Variants in PCDHGA3 observed in about 807,000 individuals in gnomAD.
PCDHGA3 encodes the protein protocadherin gamma-A3.
Under a neutral mutation model 58.5 loss-of-function variants are expected in PCDHGA3, and 40 were observed. The observed-to-expected ratio is 0.68, with a 90% confidence interval of 0.53 to 0.89. The LOEUF is 0.89. PCDHGA3 is among the 40% of genes least tolerant of loss of function. PCDHGA3 has a pLI of 0.00. For synonymous variants in PCDHGA3, 530 were observed against 525.7 expected (o/e 1.01, Z -0.11); for missense variants, 1,223 against 1,195.9 (o/e 1.02, Z -0.33).
rs2099641960 is a variant in PCDHGA3 at position 141,487,259 on chromosome 5, T to C, written c.2425-7548T>C. On this transcript the variant is annotated intron_variant, in intron 1 of 3. Coordinates refer to ENST00000253812, the MANE Select transcript of PCDHGA3 (RefSeq NM_018916.4). This position sits in a 1 kb window ranked among gnomAD's most constrained non-coding sequence, Gnocchi z 5.0. ...TCGTCTAACCCTCTACTTGGCTGTG[T>C]CCCTAGTGGCAATTTGCTTTGTCTC... 6.2e-7 allele frequency: 1 copy of C among 1,614,132 alleles called. No homozygotes were observed. Among genetic ancestry groups the C allele is most frequent in the Non-Finnish European group, 8.5e-7 (1 of 1,180,012 alleles).
chr5:141,376,307 G>A, intron 1 of PCDHGA3: 1 of 1,614,192 alleles, frequency 6.2e-7, no homozygotes, highest in East Asian at 2.2e-5. Context: ...GCACTTTGTG[G>A]GCGTGGAAGG....
chr5:141,427,817 G>A, intron 1 of PCDHGA3: 2 of 1,528,134 alleles, frequency 1.3e-6, no homozygotes, highest in Non-Finnish European at 1.8e-6. Flanking sequence ...AGAGCGGGGT[G>A]GTGGTCGCGC....
At chr5:141,346,517 G>C in intron 1 of PCDHGA3, 60 bp downstream of exon 1, 5 of 1,598,398 alleles carry the variant, frequency 3.1e-6, no homozygotes, top group Non-Finnish European at 4.3e-6. Flanking sequence ...TTATTATAAA[G>C]CTTTAACACA....
chr5:141,504,645 T>C (rs1481469819), intron 2 of PCDHGA3, among the ~76,000 whole-genome samples: 2 of 112,538 alleles, frequency 1.8e-5, no homozygotes, highest in Non-Finnish European at 3.4e-5. Context: ...GGTTTGATGA[T>C]AGAGTGTTTG....
rs532725430 is a variant in PCDHGA3, at chr5:141,429,107, G to A, written c.2425-65700G>A. On this transcript the variant is annotated intron_variant, in intron 1 of 3. Transcript: ENST00000253812. ...CTGACCTCGTGATCTGCCCGCCTCG[G>A]CCTCCCAAAGTGCTGGGATTATAGG... The A allele has an allele frequency of 3.8e-3, 579 of 152,026 alleles. 5 individuals are homozygous for A. Among genetic ancestry groups the A allele is most frequent in the Admixed American group, 0.011 (166 of 15,232 alleles). The allele number at this position is 152,026 out of a possible 1,614,324, so 9.4% of individuals were successfully genotyped here. A position where few individuals can be genotyped will look rare whatever the true frequency, so the allele number is the denominator to read the frequency against.
rs924491576 is a variant in PCDHGA3, at chr5:141,491,579, C to T, written c.2425-3228C>T. On this transcript the variant is annotated intron_variant, in intron 1 of 3. Coordinates refer to ENST00000253812, the MANE Select transcript of PCDHGA3 (RefSeq NM_018916.4). This position sits in a 1 kb window ranked among gnomAD's most constrained non-coding sequence, Gnocchi z 6.9. ...CACTGCTACAGGACGTGCTTTTCAC[C>T]GGCCTCGGACGGCAGTGACTTCACT... is the stretch of plus-strand genomic sequence containing the variant. 18 of 1,613,810 alleles carry T rather than the reference C, an allele frequency of 1.1e-5. No homozygotes were observed. Among genetic ancestry groups the T allele is most frequent in the Non-Finnish European group, 1.4e-5 (17 of 1,180,044 alleles).
chr5:141,488,548 T>C (rs112676623), intron 1 of PCDHGA3, among the ~76,000 whole-genome samples: 2 of 152,318 alleles, frequency 1.3e-5, no homozygotes, highest in African/African-American at 4.8e-5. Flanking sequence ...CCATGTCAGC[T>C]GACATTGAGA....
At chr5:141,391,149 G>C (rs1487749660) in intron 1 of PCDHGA3, 1 of 152,032 alleles carries the variant, frequency 6.6e-6, no homozygotes, top group Non-Finnish European at 1.5e-5. Context: ...CTCTAGGAAA[G>C]AAATATAGTC....
At chr5:141,408,566 G>A (rs779048929) in intron 1 of PCDHGA3, 2 of 1,613,912 alleles carry the variant, frequency 1.2e-6, no homozygotes, top group East Asian at 4.5e-5. Flanking sequence ...TGTCATTGTG[G>A]TGATTGAGGA....
chr5:141,348,872 G>A (rs1378126048), intron 1 of PCDHGA3, among the ~76,000 whole-genome samples: 1 of 152,130 alleles, frequency 6.6e-6, no homozygotes, highest in Admixed American at 6.6e-5. Flanking sequence ...ATAAATTGTT[G>A]AGTTGGATCT....
Position 141,431,479 on chromosome 5 carries a change from A to T in PCDHGA3, c.2425-63328A>T. 1 of 1,613,892 alleles carries T rather than the reference A, an allele frequency of 6.2e-7. No individual in the cohort carries two copies. Among genetic ancestry groups the T allele is most frequent in the South Asian group, 1.1e-5 (1 of 91,092 alleles). On this transcript the variant is annotated intron_variant, in intron 1 of 3. Transcript: ENST00000253812. This position sits in a 1 kb window ranked among gnomAD's most constrained non-coding sequence, Gnocchi z 4.8. ...TTCTGGATGCGAACGACAACGCACC[A>T]GCGTTTGCTCAGCCCGAGTACCGCG...
At position 141,356,324 on chromosome 5, in the gene PCDHGA3, A is replaced by C. The variant is rs1206704066; in HGVS notation, c.2424+9867A>C. 3.2e-6 allele frequency: 5 copies of C among 1,554,266 alleles called. No individual in the cohort carries two copies. The East Asian group carries it at 1.2e-4, about 38-fold the overall frequency. ...GCACTTTTCAACGTGCATGACAGTG[A>C]CTCAGGAGGAAATGGCCTAGTCACA... On this transcript the variant is annotated intron_variant, in intron 1 of 3. Coordinates refer to ENST00000253812, the MANE Select transcript of PCDHGA3 (RefSeq NM_018916.4).
intron 1 of PCDHGA3, chr5:141,394,255 G>A (rs1321065161): frequency 6.2e-7 from 1 of 1,613,934 alleles, no homozygotes; most frequent in South Asian, 1.1e-5. Flanking sequence ...GACCCCGACA[G>A]CCAGGAGAAT....
intron 1 of PCDHGA3, chr5:141,418,804 T>C (rs368948947): frequency 3.3e-5 from 54 of 1,613,718 alleles, no homozygotes; most frequent in African/African-American, 5.3e-5. Flanking sequence ...TAGAAAGATA[T>C]ACGATAAACA....
intron 1 of PCDHGA3, among the ~76,000 whole-genome samples, chr5:141,481,250 C>A (rs1160186962): frequency 2.6e-5 from 4 of 152,144 alleles, no homozygotes; most frequent in Non-Finnish European, 5.9e-5. Context: ...TAGCATAGCT[C>A]TAAAAGATCA....
At chr5:141,474,215 A>G (rs1393533136) in intron 1 of PCDHGA3, among the ~76,000 whole-genome samples, 1 of 152,216 alleles carries the variant, frequency 6.6e-6, no homozygotes, top group East Asian at 1.9e-4. Context: ...CAAAAACCAG[A>G]TTGTGAATTA....
At chr5:141,466,180 A>T (rs566514149) in intron 1 of PCDHGA3, among the ~76,000 whole-genome samples, 100 of 151,254 alleles carry the variant, frequency 6.6e-4, no homozygotes, top group African/African-American at 2.1e-3. Context: ...TTTTATTTTT[A>T]TTTTTTTTCA....
chr5:141,372,310 G>A (rs1768642217), intron 1 of PCDHGA3: 4 of 1,613,452 alleles, frequency 2.5e-6, no homozygotes, highest in Non-Finnish European at 2.5e-6. Context: ...GAGGCCGCCC[G>A]CCAGCGCCTG....
chr5:141,429,105 C>A (rs936114624), intron 1 of PCDHGA3: 2 of 152,318 alleles, frequency 1.3e-5, no homozygotes, highest in African/African-American at 4.8e-5. Flanking sequence ...CTGCCCGCCT[C>A]GGCCTCCCAA....
Sources: allele counts gnomAD v4.1 joint callset (sites outside exome capture counted in the v4.1 genomes callset), GRCh38; gene constraint gnomAD v4.1.1; non-coding constraint Gnocchi (gnomAD v3.1); transcripts MANE v1.5; gene names NCBI Gene and HGNC (gene_info 2026-07-23, HGNC 2026-07-21).